ZFP1: variants seen among roughly 807,000 people sequenced by gnomAD.
The protein encoded by ZFP1 is ZFP1 zinc finger protein, also known as zinc finger protein 1 homolog.
Under a neutral mutation model 38.5 loss-of-function variants are expected in ZFP1, and 32 were observed. The observed-to-expected ratio is 0.83, with a 90% CI of 0.63 to 1.12. The LOEUF (loss-of-function observed/expected upper bound fraction) is 1.12. Ranked by LOEUF, ZFP1 falls within the 50% of genes most tolerant of loss-of-function variation. The pLI, the probability that ZFP1 is intolerant of heterozygous loss-of-function variation, is 0.00. For synonymous variants in ZFP1, 245 were observed against 168.8 expected (o/e 1.45, Z -3.50); for missense variants, 616 against 480.8 (o/e 1.28, Z -2.63).
chr16:75,170,299 G>T lies in ZFP1; in HGVS notation c.1189G>T (p.Val397Phe). The T allele has an allele frequency of 6.3e-7, 1 of 1,599,866 alleles. No individual in the cohort carries two copies. The highest frequency in any genetic ancestry group is 8.5e-7 in the Non-Finnish European group (1 of 1,172,370). The change falls in exon 4 of 4, where the codon GTC becomes TTC. Residue 397 changes from valine (V) to phenylalanine (F), a missense_variant. Transcript: ENST00000570010. The stretch of plus-strand genomic sequence containing the variant: ...CTTTAGCAGGAAGTCCCGACTCAGT[G>T]TCCATCAGAGAGTTCACATCGGGGA... ...KAFSRKSRLS[V>F]HQRVHIGEKP
chr16:75,129,854 C>A, the ZFP1 span, among the ~76,000 whole-genome samples: 1 of 152,056 alleles, frequency 6.6e-6, no homozygotes, highest in South Asian at 2.1e-4. Flanking sequence ...AAGGAGAGAC[C>A]AAGGCAAGTT....
intron 2 of ZFP1, among the ~76,000 whole-genome samples, chr16:75,163,621 G>T (rs12921374): frequency 0.74 from 109,935 of 147,664 alleles, 43,053 homozygotes; most frequent in Non-Finnish European, 0.87. Context: ...TTTTTTTTTT[G>T]TTGTTGTTGA....
intron 2 of ZFP1, among the ~76,000 whole-genome samples, chr16:75,165,358 C>T (rs1182557102): frequency 6.6e-6 from 1 of 152,054 alleles, no homozygotes; most frequent in African/African-American, 2.4e-5. Context: ...AATTAGCTGT[C>T]AGGTTTTTTG....
At chr16:75,141,926 C>T in the ZFP1 span, among the ~76,000 whole-genome samples, 3 of 151,396 alleles carry the variant, frequency 2.0e-5, no homozygotes, top group African/African-American at 7.3e-5. Context: ...TGATGGTGGG[C>T]GCCTGTAATC....
Position 75,151,364 on chromosome 16 carries a change from A to G in ZFP1, c.-43-1545A>G, listed in dbSNP as rs954114523. 7.2e-5 allele frequency among the ~76,000 whole-genome samples: 11 copies of G among 152,030 alleles called. 1 individual carries two copies. The highest frequency in any genetic ancestry group is 2.0e-4 in the Admixed American group (3 of 15,276). ...GCCAATTATTGATATAGTTGTGTTA[A>G]AGTCTACCATCTTGCTGGTTTTTTT... On this transcript the variant is annotated intron_variant, in intron 1 of 3. Transcript: ENST00000570010.
Position 75,170,174 on chromosome 16 carries a change from C to A in ZFP1, c.1064C>A (p.Thr355Asn), listed in dbSNP as rs116441509. Reference protein sequence around the residue: ...THTGEKPYECTECGKTFSQRS... With the variant: ...THTGEKPYECNECGKTFSQRS... Reference sequence around the variant, plus strand: ...ACAGGAGAGAAACCCTATGAATGTACTGAGTGCGGCAAAACTTTCAGCCAG... The same window carrying A: ...ACAGGAGAGAAACCCTATGAATGTAATGAGTGCGGCAAAACTTTCAGCCAG... The change falls in exon 4 of 4, where the codon ACT becomes AAT. Residue 355 changes from threonine (T) to asparagine (N), a missense_variant. Coordinates refer to ENST00000570010, the MANE Select transcript of ZFP1 (RefSeq NM_153688.4). 173 of 1,614,040 alleles carry A rather than the reference C, an allele frequency of 1.1e-4. No individual in the cohort carries two copies. Among genetic ancestry groups the A allele is most frequent in the Admixed American group, 1.7e-4 (10 of 60,008 alleles).
At chr16:75,148,087 CAT>C (rs1162511144), upstream of ZFP1, among the ~76,000 whole-genome samples, 4 of 152,272 alleles carry the variant, frequency 2.6e-5, no homozygotes, top group South Asian at 4.1e-4. Context: ...AGTTGCAGCA[CAT>C]GATACCTTTA....
the ZFP1 span, among the ~76,000 whole-genome samples, chr16:75,133,730 G>A: frequency 5.9e-5 from 9 of 152,178 alleles, no homozygotes; most frequent in African/African-American, 2.2e-4. Context: ...ATGATGTTGT[G>A]TGTCCATGTA....
the ZFP1 span, among the ~76,000 whole-genome samples, chr16:75,127,190 A>T: frequency 6.6e-6 from 1 of 152,238 alleles, no homozygotes; most frequent in African/African-American, 2.4e-5. Flanking sequence ...AATCAGCTAT[A>T]AAACTGATTT....
upstream of ZFP1, among the ~76,000 whole-genome samples, chr16:75,148,089 T>C (rs1364956390): frequency 6.6e-6 from 1 of 152,192 alleles, no homozygotes; most frequent in African/African-American, 2.4e-5. Flanking sequence ...TTGCAGCACA[T>C]GATACCTTTA....
At position 75,171,918 on chromosome 16, in the gene ZFP1, A is replaced by G. The variant is rs960929317; in HGVS notation, c.*1584A>G. 1.3e-4 allele frequency: 20 copies of G among 152,268 alleles called. No homozygotes were observed. Among genetic ancestry groups the G allele is most frequent in the Non-Finnish European group, 2.8e-4 (19 of 68,012 alleles). 9.4% of individuals were successfully genotyped at this position (152,268 alleles called of 1,614,324 possible). On this transcript the variant is annotated 3_prime_UTR_variant, in exon 4 of 4. Transcript: ENST00000570010. ...TGTGAGTCTGTTTTAACATTAATAT[A>G]CTCTTACAACCTAGGAATCTCCTGG...
At chr16:75,146,512 C>A (rs551194758), upstream of ZFP1, among the ~76,000 whole-genome samples, 1 of 152,146 alleles carries the variant, frequency 6.6e-6, no homozygotes, top group Non-Finnish European at 1.5e-5. Context: ...TATATCCTCA[C>A]AAAACCTGAA....
At chr16:75,124,635 A>AACAAACAAAC in the ZFP1 span, among the ~76,000 whole-genome samples, 1 of 150,516 alleles carries the variant, frequency 6.6e-6, no homozygotes, top group Admixed American at 6.6e-5. Flanking sequence ...TACAAAAACA[A>AACAAACAAAC]AATTAGCTGG....
the ZFP1 span, among the ~76,000 whole-genome samples, chr16:75,137,709 G>A: frequency 2.0e-5 from 3 of 151,780 alleles, no homozygotes; most frequent in South Asian, 2.1e-4. Flanking sequence ...CTCGTGATCC[G>A]CCCGCCTTGG....
intron 1 of ZFP1, among the ~76,000 whole-genome samples, chr16:75,150,253 G>T (rs1373592434): frequency 7.1e-6 from 1 of 141,056 alleles, no homozygotes; most frequent in East Asian, 2.1e-4. Context: ...CTGTTGCCCA[G>T]TCTGGAGTGC....
At chr16:75,131,583 C>T in the ZFP1 span, among the ~76,000 whole-genome samples, 1 of 152,182 alleles carries the variant, frequency 6.6e-6, no homozygotes, top group Admixed American at 6.5e-5. Context: ...ACTCCCCTCT[C>T]ATCCTAGCTG....
At chr16:75,164,804 C>CTT (rs1313185728) in intron 2 of ZFP1, among the ~76,000 whole-genome samples, 1 of 93,720 alleles carries the variant, frequency 1.1e-5, no homozygotes, top group African/African-American at 4.4e-5. Flanking sequence ...TTTTAGTTTC[C>CTT]ATAAGTTTTT....
At chr16:75,150,157 A>G (rs1413616828) in intron 1 of ZFP1, among the ~76,000 whole-genome samples, 1 of 146,164 alleles carries the variant, frequency 6.8e-6, no homozygotes, top group Non-Finnish European at 1.5e-5. Flanking sequence ...TTTTACCCTT[A>G]TTTATTTAGA....
the ZFP1 span, among the ~76,000 whole-genome samples, chr16:75,130,935 A>G: frequency 2.3e-4 from 35 of 151,984 alleles, no homozygotes; most frequent in African/African-American, 8.2e-4. Context: ...GGCCTTAAAA[A>G]TCCTGCTGTG....
Sources: gnomAD v4.1 joint callset for allele counts (sites outside exome capture counted in the v4.1 genomes callset) on GRCh38, gnomAD v4.1.1 for gene constraint, MANE v1.5 for transcripts, NCBI Gene and HGNC (gene_info 2026-07-23, HGNC 2026-07-21) for gene names.